The following TAFA2 variants were observed in gnomAD, a reference collection of about 807,000 sequenced individuals.
TAFA2 encodes the protein TAFA chemokine like family member 2, also known as chemokine-like protein TAFA-2.
In TAFA2, 7 loss-of-function variants were observed where a neutral mutation model predicts 18.8. The ratio of observed to expected loss-of-function variants is 0.37; its 90% confidence interval spans 0.21 to 0.70. TAFA2 has a LOEUF of 0.70. TAFA2 is among the 30% of genes least tolerant of loss of function. The probability of loss-of-function intolerance (pLI) is 0.53; values close to 1 mark genes in which losing one functional copy is unlikely to be tolerated. For missense variants in TAFA2, 122 were observed against 158.1 expected (o/e 0.77, Z 1.23); for synonymous variants, 60 against 54.2 (o/e 1.11, Z -0.47).
chr12:62,062,359 C>T (rs995803787), intron 1 of TAFA2, among the ~76,000 whole-genome samples: 2 of 152,124 alleles, frequency 1.3e-5, no homozygotes, highest in African/African-American at 4.8e-5. Context: ...ACTGATGGGG[C>T]GTAAGACTAA....
At chr12:61,989,536 G>A (rs1592533227) in intron 1 of TAFA2, among the ~76,000 whole-genome samples, 1 of 152,074 alleles carries the variant, frequency 6.6e-6, no homozygotes, top group African/African-American at 2.4e-5. Flanking sequence ...CACCACCCTT[G>A]CCACTGCCTT....
At chr12:62,032,068 T>A (rs531135860) in intron 1 of TAFA2, among the ~76,000 whole-genome samples, 2 of 152,168 alleles carry the variant, frequency 1.3e-5, no homozygotes, top group Non-Finnish European at 2.9e-5. Flanking sequence ...AAAATTTGGC[T>A]GAAAAGTGCA....
chr12:61,714,525 C>G (rs531953156), intron 4 of TAFA2, among the ~76,000 whole-genome samples: 1 of 152,106 alleles, frequency 6.6e-6, no homozygotes, highest in African/African-American at 2.4e-5. Context: ...AATTATAGGG[C>G]CCTGATTAGA....
At chr12:61,768,298 A>C (rs1248923021) in intron 2 of TAFA2, among the ~76,000 whole-genome samples, 2 of 152,158 alleles carry the variant, frequency 1.3e-5, no homozygotes, top group Non-Finnish European at 2.9e-5. Context: ...CAGTCAAAAA[A>C]AATGGTGAAA....
chr12:62,046,725 G>A (rs879920444), intron 1 of TAFA2, among the ~76,000 whole-genome samples: 10 of 151,578 alleles, frequency 6.6e-5, no homozygotes, highest in African/African-American at 1.5e-4. Context: ...ATTGTTCAGC[G>A]TCCATAGATG....
chr12:62,101,017 A>G (rs563747548), intron 1 of TAFA2, among the ~76,000 whole-genome samples: 36 of 152,286 alleles, frequency 2.4e-4, no homozygotes, highest in Admixed American at 2.6e-4. Flanking sequence ...ACCTTAAAAC[A>G]TACCCATACT....
chr12:61,751,629 C>A (rs1869019830), intron 4 of TAFA2, among the ~76,000 whole-genome samples: 1 of 151,742 alleles, frequency 6.6e-6, no homozygotes, highest in African/African-American at 2.4e-5. Context: ...TTCTTTGGGA[C>A]AAAAGAGATT....
chr12:62,045,137 A>G (rs1444497496), intron 1 of TAFA2, among the ~76,000 whole-genome samples: 1 of 152,204 alleles, frequency 6.6e-6, no homozygotes, highest in Non-Finnish European at 1.5e-5. Context: ...ATGTAGACAC[A>G]GCCTAGGTCG....
intron 1 of TAFA2, among the ~76,000 whole-genome samples, chr12:61,963,825 A>T (rs938227520): frequency 1.3e-5 from 2 of 152,196 alleles, no homozygotes. Context: ...CTGACTTCAA[A>T]CTATACTACA....
intron 2 of TAFA2, among the ~76,000 whole-genome samples, chr12:61,784,794 C>A (rs945330187): frequency 1.3e-4 from 19 of 148,224 alleles, no homozygotes; most frequent in Non-Finnish European, 1.9e-4. Context: ...TAATTATTTT[C>A]TTTTCTCTCT....
At chr12:62,131,333 A>T (rs1053067646) in intron 1 of TAFA2, among the ~76,000 whole-genome samples, 1 of 152,048 alleles carries the variant, frequency 6.6e-6, no homozygotes, top group African/African-American at 2.4e-5. Flanking sequence ...TACGCACTTA[A>T]CCTTACCCAA....
rs2062863428 is a variant in TAFA2 at position 62,241,643 on chromosome 12, T to G, written c.-130+17120A>C. Among the ~76,000 whole-genome samples the G allele has an allele frequency of 2.6e-5, 4 of 152,206 alleles. No homozygotes were observed. In the South Asian group the frequency reaches 8.3e-4, roughly 31 times the overall value. On this transcript the variant is annotated intron_variant, in intron 1 of 5. Coordinates refer to the TAFA2 transcript ENST00000551619. Reference sequence around the variant, plus strand: ...CATAGGGACTTACAGATTGTAGGCTTGAATAAACCCTTGAAGATTTGTATG... The same window carrying G: ...CATAGGGACTTACAGATTGTAGGCTGGAATAAACCCTTGAAGATTTGTATG...
At chr12:61,729,056 C>G (rs1870316457) in intron 4 of TAFA2, among the ~76,000 whole-genome samples, 1 of 151,226 alleles carries the variant, frequency 6.6e-6, no homozygotes, top group Admixed American at 6.6e-5. Context: ...TTTAAGAAGG[C>G]TAAAAATAGC....
intron 1 of TAFA2, among the ~76,000 whole-genome samples, chr12:62,178,519 C>T (rs978973095): frequency 1.3e-5 from 2 of 152,138 alleles, no homozygotes; most frequent in Non-Finnish European, 2.9e-5. Context: ...GTTAGTCTAC[C>T]ATATTTCACA....
chr12:62,032,810 T>C (rs531967452), intron 1 of TAFA2, among the ~76,000 whole-genome samples: 1 of 152,168 alleles, frequency 6.6e-6, no homozygotes, highest in East Asian at 1.9e-4. Context: ...AACAGAAGAG[T>C]ATGTGAAGCT....
chr12:62,244,238 T>C (rs2062874734), intron 1 of TAFA2, among the ~76,000 whole-genome samples: 1 of 37,396 alleles, frequency 2.7e-5, no homozygotes, highest in Non-Finnish European at 5.2e-5. Context: ...TTCTTTTGTC[T>C]TTTTTTTTTT....
intron 4 of TAFA2, among the ~76,000 whole-genome samples, chr12:61,739,986 C>G (rs182207766): frequency 1.3e-5 from 2 of 152,220 alleles, no homozygotes; most frequent in Admixed American, 1.3e-4. Flanking sequence ...ATTACTCAAA[C>G]AGCCTTTTCA....
At chr12:61,847,725 A>C (rs1374352007) in intron 2 of TAFA2, among the ~76,000 whole-genome samples, 3 of 152,230 alleles carry the variant, frequency 2.0e-5, no homozygotes, top group African/African-American at 7.2e-5. Flanking sequence ...GAGCATGAGC[A>C]GTTTTTGCCA....
At chr12:61,821,629 T>C (rs1397658051) in intron 2 of TAFA2, among the ~76,000 whole-genome samples, 1 of 152,074 alleles carries the variant, frequency 6.6e-6, no homozygotes, top group African/African-American at 2.4e-5. Context: ...CATATTAACA[T>C]GAATTTGCAA....
Sources: gnomAD v4.1 joint callset for allele counts (sites outside exome capture counted in the v4.1 genomes callset) on GRCh38, gnomAD v4.1.1 for gene constraint, MANE v1.5 for transcripts, NCBI Gene and HGNC (gene_info 2026-07-23, HGNC 2026-07-21) for gene names.